Variants in SLC35F5 observed in about 807,000 individuals in gnomAD.
SLC35F5 encodes the protein solute carrier family 35 member F5, also known as HCV NS5A-transactivated protein 3.
In SLC35F5, 54 loss-of-function variants were observed where a neutral mutation model predicts 68.6. That is an observed-to-expected ratio of 0.79 (90% CI 0.63 to 0.99). The LOEUF (loss-of-function observed/expected upper bound fraction) is 0.99, where lower values mean the gene tolerates loss of function less well. SLC35F5 is among the 50% of genes least tolerant of loss of function. SLC35F5 has a pLI of 0.00. For synonymous variants in SLC35F5, 211 were observed against 205.2 expected (o/e 1.03, Z -0.24); for missense variants, 567 against 626.9 (o/e 0.90, Z 1.02).
At chr2:113,725,267 G>T in intron 12 of SLC35F5, 111 bp downstream of exon 12, 2 of 942,180 alleles carry the variant, frequency 2.1e-6, no homozygotes, top group Non-Finnish European at 3.3e-6. Flanking sequence ...TTGTATGTGT[G>T]TTGCAGAATG....
chr2:113,749,536 T>C (rs185263439), intron 4 of SLC35F5, among the ~76,000 whole-genome samples: 18 of 151,984 alleles, frequency 1.2e-4, no homozygotes, highest in African/African-American at 4.4e-4. Context: ...GATGTACTTA[T>C]TAGATAAGAC....
intron 8 of SLC35F5, among the ~76,000 whole-genome samples, chr2:113,735,196 A>G (rs1380828617): frequency 6.6e-6 from 1 of 152,200 alleles, no homozygotes; most frequent in Non-Finnish European, 1.5e-5. Flanking sequence ...CCAGCCTATA[A>G]AACTGTAATA....
intron 4 of SLC35F5, 145 bp from the exon 5 acceptor site, chr2:113,746,484 GC>G (rs1676488488): frequency 3.2e-6 from 2 of 631,782 alleles, no homozygotes; most frequent in Non-Finnish European, 5.7e-6. Context: ...AGCAGCTAAT[GC>G]CACATATTCA....
chr2:113,717,898 A>G, intron 14 of SLC35F5, 48 bp from the exon 15 acceptor site: 1 of 1,375,654 alleles, frequency 7.3e-7, no homozygotes, highest in Non-Finnish European at 1.0e-6. Context: ...AGAGCTGAAA[A>G]GGAACCTCAA....
At chr2:113,751,343 T>TTTTG (rs965773772) in intron 3 of SLC35F5, among the ~76,000 whole-genome samples, 2 of 152,204 alleles carry the variant, frequency 1.3e-5, no homozygotes, top group African/African-American at 4.8e-5. Context: ...GAGACTGTTT[T>TTTTG]TTTGTTTGTT....
At position 113,756,506 on chromosome 2, in the gene SLC35F5, G is replaced by A. The variant is rs890576811; in HGVS notation, c.-97C>T. The stretch of plus-strand genomic sequence containing the variant: ...CGCCTGACATCGCGCCGCACTGGAG[G>A]CCCAGCTCCTGAAGACGCGGTGCCC... On this transcript the variant is annotated 5_prime_UTR_variant, in exon 1 of 16. Coordinates refer to ENST00000245680, the MANE Select transcript of SLC35F5 (RefSeq NM_025181.5). 1.1e-5 allele frequency: 17 copies of A among 1,513,600 alleles called. No homozygotes were observed. The African/African-American group carries it at 2.2e-4, about 20-fold the overall frequency. 93.8% of individuals were successfully genotyped at this position (1,513,600 alleles called of 1,614,324 possible).
intron 1 of SLC35F5, 50 bp from the exon 2 acceptor site, chr2:113,755,594 A>C (rs932553774): frequency 2.0e-6 from 3 of 1,494,692 alleles, no homozygotes; most frequent in Non-Finnish European, 9.3e-7. Flanking sequence ...AACTCAAGGT[A>C]AGATTCATCA....
Position 113,717,667 on chromosome 2 carries a change from C to T in SLC35F5, c.*22+86G>A, listed in dbSNP as rs146399293. 2,653 of 964,628 alleles carry T rather than the reference C, an allele frequency of 2.8e-3. 53 individuals carry two copies. In the African/African-American group the frequency reaches 0.039, roughly 14 times the overall value. 59.8% of individuals were successfully genotyped at this position (964,628 alleles called of 1,614,324 possible). ...TAGCCTCTAAGGCTGTATTGCCTCT[C>T]AAACAACTAATTATAGAAAATCAAT... On this transcript the variant is annotated intron_variant, in intron 15 of 15. Coordinates refer to ENST00000245680, the MANE Select transcript of SLC35F5 (RefSeq NM_025181.5).
chr2:113,735,450 T>C (rs1313920298), intron 8 of SLC35F5, among the ~76,000 whole-genome samples: 1 of 152,222 alleles, frequency 6.6e-6, no homozygotes, highest in African/African-American at 2.4e-5. Flanking sequence ...TTATATGGCA[T>C]GCTACTGTAT....
At position 113,755,456 on chromosome 2, in the gene SLC35F5, T is replaced by C; in HGVS notation, c.129A>G (p.Thr43=). 1 of 1,614,050 alleles carries C rather than the reference T, an allele frequency of 6.2e-7. No homozygotes were observed. Among genetic ancestry groups the C allele is most frequent in the South Asian group, 1.1e-5 (1 of 91,072 alleles). ...ALEDLRRALK[T]RLQMVCVFVM... ...TAGAGGATAAACGTGGAATCTACCT[T>C]GTCTTAAGAGCCCTTCTGAGATCCT... is the stretch of plus-strand genomic sequence containing the variant. The change falls in exon 2 of 16, where the codon ACA becomes ACG. Residue 43 remains threonine, a splice_region_variant and synonymous_variant. Coordinates refer to ENST00000245680, the MANE Select transcript of SLC35F5 (RefSeq NM_025181.5).
intron 11 of SLC35F5, among the ~76,000 whole-genome samples, chr2:113,728,883 T>C (rs1479584253): frequency 1.3e-5 from 2 of 152,352 alleles, no homozygotes; most frequent in South Asian, 2.1e-4. Context: ...ATTGGGTAAT[T>C]TGAGAATGAA....
chr2:113,733,247 C>T (rs1369722769), intron 9 of SLC35F5: 1 of 196,492 alleles, frequency 5.1e-6, no homozygotes, highest in Admixed American at 6.4e-5. Context: ...ATGAGAGTGG[C>T]TGTGTTCTAA....
At chr2:113,745,315 C>T (rs1426935079) in intron 5 of SLC35F5, among the ~76,000 whole-genome samples, 1 of 152,092 alleles carries the variant, frequency 6.6e-6, no homozygotes, top group Non-Finnish European at 1.5e-5. Flanking sequence ...TGCATGCCAT[C>T]GCAGTTCTAA....
intron 9 of SLC35F5, among the ~76,000 whole-genome samples, chr2:113,732,564 T>G (rs1687940889): frequency 6.6e-6 from 1 of 152,210 alleles, no homozygotes; most frequent in Non-Finnish European, 1.5e-5. Flanking sequence ...ACACTAAATA[T>G]GCAAACCCTT....
intron 7 of SLC35F5, 61 bp downstream of exon 7, chr2:113,742,631 G>A: frequency 6.6e-7 from 1 of 1,506,240 alleles, no homozygotes; most frequent in Non-Finnish European, 9.2e-7. Flanking sequence ...TTGTTGGTAT[G>A]TATACAGTCT....
In SLC35F5 at chr2:113,752,857, A is replaced by G. The variant is rs79009985; in HGVS notation, c.274-2289T>C. On this transcript the variant is annotated intron_variant, in intron 3 of 15. Coordinates refer to ENST00000245680, the MANE Select transcript of SLC35F5 (RefSeq NM_025181.5). The stretch of plus-strand genomic sequence containing the variant: ...TTAAGGAATTACAGTTAATTGTGTT[A>G]ACTATGTTAATGGCATAGTGATTAT... Among the ~76,000 whole-genome samples the G allele has an allele frequency of 9.5e-3, 1,449 of 152,328 alleles. 29 individuals carry two copies. Among genetic ancestry groups the G allele is most frequent in the African/African-American group, 0.032 (1,332 of 41,572 alleles).
At chr2:113,743,598 G>C in intron 6 of SLC35F5, 115 bp downstream of exon 6, 2 of 696,430 alleles carry the variant, frequency 2.9e-6, no homozygotes, top group East Asian at 2.5e-5. Context: ...TATAGGCTGA[G>C]TCAAGACCAC....
chr2:113,717,888 A>T (rs759719929), intron 14 of SLC35F5, 38 bp from the exon 15 acceptor site: 1 of 1,447,640 alleles, frequency 6.9e-7, no homozygotes, highest in Non-Finnish European at 9.6e-7. Context: ...GGAAAGCTTT[A>T]GAGCTGAAAA....
intron 12 of SLC35F5, among the ~76,000 whole-genome samples, chr2:113,723,654 A>G (rs1028352607): frequency 2.6e-5 from 4 of 152,184 alleles, no homozygotes; most frequent in Non-Finnish European, 5.9e-5. Flanking sequence ...CACCTTCATG[A>G]ACACTAAAAT....
Sources: gnomAD v4.1 joint callset for allele counts (sites outside exome capture counted in the v4.1 genomes callset) on GRCh38, gnomAD v4.1.1 for gene constraint, MANE v1.5 for transcripts, NCBI Gene and HGNC (gene_info 2026-07-23, HGNC 2026-07-21) for gene names.